KCNH2: variants seen among roughly 807,000 people sequenced by gnomAD.
The protein encoded by KCNH2 is voltage-gated inwardly rectifying potassium channel KCNH2.
Under a neutral mutation model 95.9 loss-of-function variants are expected in KCNH2, and 35 were observed. That is an observed-to-expected ratio of 0.37 (90% CI 0.28 to 0.48). The LOEUF (loss-of-function observed/expected upper bound fraction) is 0.48, where lower values mean the gene tolerates loss of function less well. Ranked by LOEUF, KCNH2 falls within the 20% of genes least tolerant of loss-of-function variation. KCNH2 has a pLI of 0.99. For synonymous variants in KCNH2, 786 were observed against 754.7 expected, an observed-to-expected ratio of 1.04 and a Z score of -0.68; for missense variants, 1,274 against 1,702.9, an observed-to-expected ratio of 0.75 and a Z score of 4.43.
Position 150,978,276 on chromosome 7 carries a change from C to T in KCNH2, c.-363G>A, listed in dbSNP as rs1283191798. 1 of 146,424 alleles carries T rather than the reference C, an allele frequency of 6.8e-6. No homozygotes were observed. Among genetic ancestry groups the T allele is most frequent in the African/African-American group, 2.5e-5 (1 of 40,686 alleles). The allele number at this position is 146,424 out of a possible 1,614,324, so 9.1% of individuals were successfully genotyped here. A position where few individuals can be genotyped will look rare whatever the true frequency, so the allele number is the denominator to read the frequency against. ...CCGCGCCGACAGCCGCTCCAGCGCC[C>T]GCGGCTCGGGCAGCGCCTGCGGCTC... is the stretch of plus-strand genomic sequence containing the variant. On this transcript the variant is annotated 5_prime_UTR_variant, in exon 1 of 15. Transcript: ENST00000262186.
Position 150,958,342 on chromosome 7 carries a change from G to T in KCNH2, c.633C>A (p.Ala211=). 1 of 1,490,276 alleles carries T rather than the reference G, an allele frequency of 6.7e-7. No homozygotes were observed. Among genetic ancestry groups the T allele is most frequent in the South Asian group, 1.3e-5 (1 of 79,406 alleles). The allele number at this position is 1,490,276 out of a possible 1,614,324, so 92.3% of individuals were successfully genotyped here. Residue 211 remains alanine, a synonymous_variant, in exon 4 of 15, where the codon GCC becomes GCA. Coordinates refer to ENST00000262186, the MANE Select transcript of KCNH2 (RefSeq NM_000238.4). ...TGTCCATGGCTGTCACTTCGTCCAGGGCCAGCGACTCGCTGCTGGGTGCCG... is the reference window on the plus strand; with the variant it reads ...TGTCCATGGCTGTCACTTCGTCCAGTGCCAGCGACTCGCTGCTGGGTGCCG... The part of the protein sequence containing the change: ...TPAAPSSESL[A]LDEVTAMDNH...
chr7:150,959,144 C>G (rs73167622), intron 3 of KCNH2, among the ~76,000 whole-genome samples: 12,695 of 152,242 alleles, frequency 0.083, 626 homozygotes, highest in Non-Finnish European at 0.11. Flanking sequence ...AGTCCATGAA[C>G]AAGGAGCAGA....
chr7:150,957,894 C>T (rs866404918), intron 4 of KCNH2, among the ~76,000 whole-genome samples, 165 bp downstream of exon 4: 2 of 152,214 alleles, frequency 1.3e-5, no homozygotes, highest in Non-Finnish European at 2.9e-5. Flanking sequence ...CATTTAATAG[C>T]GCAACAAGCC....
chr7:150,958,120 G>C lies in KCNH2; in HGVS notation c.855C>G (p.Ala285=), dbSNP rs1475464155. ...SCASVRRASS[A]DDIEAMRAGV... ...CGGCGCGCATGGCCTCGATGTCGTC[G>C]GCCGACGAGGCGCGGCGCACGCTGG... Residue 285 remains alanine, a synonymous_variant, in exon 4 of 15, where the codon GCC becomes GCG. Coordinates refer to ENST00000262186, the MANE Select transcript of KCNH2 (RefSeq NM_000238.4). 1 of 1,300,102 alleles carries C rather than the reference G, an allele frequency of 7.7e-7. No homozygotes were observed. Among genetic ancestry groups the C allele is most frequent in the Non-Finnish European group, 9.7e-7 (1 of 1,028,624 alleles). The allele number at this position is 1,300,102 out of a possible 1,614,324, so 80.5% of individuals were successfully genotyped here. A position where few individuals can be genotyped will look rare whatever the true frequency, so the allele number is the denominator to read the frequency against.
chr7:150,947,788 C>T lies in KCNH2; in HGVS notation c.2783G>A (p.Gly928Glu), dbSNP rs1339223823. The change falls in exon 12 of 15, where the codon GGG (glycine) becomes GAG (glutamate). Residue 928 changes from glycine to glutamate, a missense_variant. Around this residue, in one of 7 missense-constraint regions of KCNH2, gnomAD observed 457 missense variants for 416.1 expected, o/e 1.10. Transcript: ENST00000262186. ...GGAGGGGCCACTGGACGGGCTCTCCCCCCACGGCCCCCCCGGCCGGCCCCG... is the reference window on the plus strand; with the variant it reads ...GGAGGGGCCACTGGACGGGCTCTCCTCCCACGGCCCCCCCGGCCGGCCCCG... ...SSRGRPGGPW[G>E]ESPSSGPSSP... 22 of 1,534,412 alleles carry T rather than the reference C, an allele frequency of 1.4e-5. No individual in the cohort carries two copies. The highest frequency in any genetic ancestry group is 1.9e-5 in the Non-Finnish European group (22 of 1,144,720).
At position 150,958,081 on chromosome 7, in the gene KCNH2, C is replaced by A. The variant is rs1801437823; in HGVS notation, c.894G>T (p.Pro298=). The change falls in exon 4 of 15, where the codon CCG becomes CCT. Residue 298 remains proline, a synonymous_variant. Transcript: ENST00000262186. ...IEAMRAGVLP[P]PPRHASTGAM... ...CACCGGTGCTGGCGTGGCGCGGTGG[C>A]GGGGGCAGCACCCCGGCGCGCATGG... The A allele has an allele frequency of 7.9e-7, 1 of 1,273,410 alleles. No individual in the cohort carries two copies. The highest frequency in any genetic ancestry group is 2.9e-5 in the South Asian group (1 of 34,416). 78.9% of individuals were successfully genotyped at this position (1,273,410 alleles called of 1,614,324 possible).
At chr7:150,977,568 A>T (rs1802007032) in intron 1 of KCNH2, among the ~76,000 whole-genome samples, 1 of 151,568 alleles carries the variant, frequency 6.6e-6, no homozygotes, top group East Asian at 2.0e-4. Flanking sequence ...TTCCCTGCAC[A>T]CTCAGCGTGT....
intron 2 of KCNH2, among the ~76,000 whole-genome samples, chr7:150,974,280 C>T (rs1801911849): frequency 6.6e-6 from 1 of 152,228 alleles, no homozygotes; most frequent in African/African-American, 2.4e-5. Flanking sequence ...TGTCACCTGG[C>T]AGCAACTGCC....
rs1801448644 is a variant in KCNH2 at position 150,958,257 on chromosome 7, G to C, written c.718C>G (p.Pro240Ala). Reference sequence around the variant, plus strand: ...AGCTGGCCGGGCGCGCTGCGGGGCGGAGAGCCGGGACCCACCAGCGCACGC... The same window carrying C: ...AGCTGGCCGGGCGCGCTGCGGGGCGCAGAGCCGGGACCCACCAGCGCACGC... ...ERRALVGPGS[P>A]PRSAPGQLPS... Residue 240 changes from proline (P) to alanine (A), a missense_variant, in exon 4 of 15, where the codon CCG becomes GCG. Coordinates refer to ENST00000262186, the MANE Select transcript of KCNH2 (RefSeq NM_000238.4). 1.4e-6 allele frequency: 2 copies of C among 1,422,270 alleles called. No homozygotes were observed. The highest frequency in any genetic ancestry group is 2.9e-5 in the South Asian group (2 of 68,936). 88.1% of individuals were successfully genotyped at this position (1,422,270 alleles called of 1,614,324 possible).
intron 3 of KCNH2, 139 bp downstream of exon 3, chr7:150,959,433 C>T (rs1324128965): frequency 3.1e-6 from 3 of 964,722 alleles, no homozygotes; most frequent in Non-Finnish European, 4.6e-6. Flanking sequence ...ACAGGGTTCA[C>T]TTCCCACCTC....
intron 2 of KCNH2, among the ~76,000 whole-genome samples, chr7:150,969,565 A>G (rs1801786990): frequency 6.6e-6 from 1 of 151,546 alleles, no homozygotes; most frequent in African/African-American, 2.4e-5. Flanking sequence ...CAAGCTGGAA[A>G]CTCCTGCCAA....
rs76323145 is a variant in KCNH2, at chr7:150,970,077, G to A, written c.307+4634C>T. Among the ~76,000 whole-genome samples the A allele has an allele frequency of 4.7e-3, 712 of 152,210 alleles. 7 individuals are homozygous for A. The East Asian group carries it at 0.066, about 14-fold the overall frequency. On this transcript the variant is annotated intron_variant, in intron 2 of 14. Transcript: ENST00000262186. Reference sequence around the variant, plus strand: ...CTAAATACTTTCTGTCTCTATACTGGGAGGGGGCAATGAGAGAGAACGTGT... The same window carrying A: ...CTAAATACTTTCTGTCTCTATACTGAGAGGGGGCAATGAGAGAGAACGTGT...
Position 150,952,128 on chromosome 7 carries a change from T to C in KCNH2, c.1558-293A>G, listed in dbSNP as rs1482571304. Among the ~76,000 whole-genome samples, 1 of 152,058 alleles carries C rather than the reference T, an allele frequency of 6.6e-6. No individual in the cohort carries two copies. The highest frequency in any genetic ancestry group is 2.4e-5 in the African/African-American group (1 of 41,380). On this transcript the variant is annotated intron_variant, in intron 6 of 14. Coordinates refer to ENST00000262186, the MANE Select transcript of KCNH2 (RefSeq NM_000238.4). This position sits in a 1 kb window ranked among gnomAD's most constrained non-coding sequence, Gnocchi z 7.3. Reference sequence around the variant, plus strand: ...ACTCCCACCAGCTTCTAGGGCACTTTGGTGACGCTACAAAATAATGGCCCC... The same window carrying C: ...ACTCCCACCAGCTTCTAGGGCACTTCGGTGACGCTACAAAATAATGGCCCC...
chr7:150,947,069 G>A lies in KCNH2; in HGVS notation c.3153-15C>T, dbSNP rs41313755. The A allele has an allele frequency of 4.4e-4, 702 of 1,583,222 alleles. 2 individuals carry two copies. The African/African-American group carries it at 8.7e-3, about 20-fold the overall frequency. On this transcript the variant is annotated splice_polypyrimidine_tract_variant and intron_variant, in intron 13 of 14. Transcript: ENST00000262186. ...GGGTCTCCAGCCTGGGGCAGGAAGTGGGGGATGCTCAGAGAAGTGGGGACA... is the reference window on the plus strand; with the variant it reads ...GGGTCTCCAGCCTGGGGCAGGAAGTAGGGGATGCTCAGAGAAGTGGGGACA...
At chr7:150,955,360 C>A (rs768574251) in intron 5 of KCNH2, 1 of 1,542,758 alleles carries the variant, frequency 6.5e-7, no homozygotes. Flanking sequence ...AGTGTGCCGG[C>A]CCCAGAAAGA....
intron 2 of KCNH2, among the ~76,000 whole-genome samples, chr7:150,969,397 G>T (rs1258373177): frequency 6.6e-6 from 1 of 152,192 alleles, no homozygotes; most frequent in Non-Finnish European, 1.5e-5. Flanking sequence ...CCCCACCTCA[G>T]CTGTGCTCTC....
In KCNH2 at chr7:150,951,124, G is replaced by A; in HGVS notation, c.1946-4C>T. The A allele has an allele frequency of 6.3e-7, 1 of 1,599,238 alleles. No individual in the cohort carries two copies. The highest frequency in any genetic ancestry group is 8.5e-7 in the Non-Finnish European group (1 of 1,171,492). On this transcript the variant is annotated splice_region_variant and splice_polypyrimidine_tract_variant and intron_variant, in intron 7 of 14. Coordinates refer to ENST00000262186, the MANE Select transcript of KCNH2 (RefSeq NM_000238.4). ...AAGATGCTAGCATACATGAGGGCTG[G>A]GGGCGTGGGCACGTGGGGCCGTCAG...
chr7:150,955,358 G>C (rs749031971), intron 5 of KCNH2: 2 of 1,530,542 alleles, frequency 1.3e-6, no homozygotes, highest in East Asian at 2.4e-5. Flanking sequence ...TCAGTGTGCC[G>C]GCCCCAGAAA....
intron 7 of KCNH2, 86 bp downstream of exon 7, chr7:150,951,362 C>G: frequency 6.4e-7 from 1 of 1,558,430 alleles, no homozygotes; most frequent in Non-Finnish European, 8.8e-7. Context: ...GGGCCTCACT[C>G]TGGCCCGGCT....
Sources: gnomAD v4.1 joint callset for allele counts (sites outside exome capture counted in the v4.1 genomes callset) on GRCh38, gnomAD v4.1.1 for gene constraint, gnomAD v4.1.1 regional missense constraint, Gnocchi (gnomAD v3.1) non-coding constraint, MANE v1.5 for transcripts, NCBI Gene and HGNC (gene_info 2026-07-23, HGNC 2026-07-21) for gene names.